Variants in CYSLTR1 observed in about 807,000 individuals in gnomAD.
CYSLTR1 encodes cysteinyl leukotriene receptor 1, also known as G-protein coupled receptor HG55.
A neutral mutation model predicts 2.1 loss-of-function variants in CYSLTR1; 1 was observed. The observed-to-expected ratio is 0.48, with a 90% confidence interval of 0.17 to 2.28. The LOEUF is 2.28. CYSLTR1 is among the 30% of genes most tolerant of loss of function. The pLI is 0.26. For missense variants in CYSLTR1, 299 were observed against 250.1 expected (o/e 1.20, Z -1.32); for synonymous variants, 110 against 89.6 (o/e 1.23, Z -1.28).
intron 1 of CYSLTR1, among the ~76,000 whole-genome samples, chrX:78,296,377 C>G (rs1922574884): frequency 9.0e-6 from 1 of 111,478 alleles, no homozygotes; most frequent in African/African-American, 3.3e-5. Context: ...TTTGGCTATT[C>G]TGGGTCTGTT....
intron 1 of CYSLTR1, among the ~76,000 whole-genome samples, chrX:78,303,261 A>C (rs955948450): frequency 9.0e-6 from 1 of 111,469 alleles, no homozygotes; most frequent in African/African-American, 3.3e-5. Flanking sequence ...AGCACAAAGA[A>C]ATACTCTCTG....
intron 1 of CYSLTR1, among the ~76,000 whole-genome samples, chrX:78,284,575 A>G (rs766196869): frequency 2.8e-5 from 3 of 108,650 alleles, no homozygotes; most frequent in Non-Finnish European, 5.7e-5. Context: ...TAATTTTTGT[A>G]TTTTTAGTAG....
chrX:78,276,371 C>T (rs1921590371), intron 2 of CYSLTR1, among the ~76,000 whole-genome samples: 1 of 111,224 alleles, frequency 9.0e-6, no homozygotes, highest in Non-Finnish European at 1.9e-5. Context: ...CTGATGTTGG[C>T]CTTTTACACA....
chrX:78,273,472 C>G lies in CYSLTR1; in HGVS notation c.275G>C (p.Gly92Ala), dbSNP rs1055324278. Reference protein sequence around the residue: ...YYVHKGIWLFGDFLCRLSTYA... With the variant: ...YYVHKGIWLFADFLCRLSTYA... Reference sequence around the variant, plus strand: ...GGTGCTGAGGCGGCACAAGAAGTCACCAAAGAGCCAAATGCCTTTGTGAAC... The same window carrying G: ...GGTGCTGAGGCGGCACAAGAAGTCAGCAAAGAGCCAAATGCCTTTGTGAAC... The change falls in exon 3 of 3, where the codon GGT becomes GCT. Residue 92 changes from glycine to alanine, a missense_variant. By Grantham distance (60) the Gly-to-Ala change is moderately conservative. Transcript: ENST00000373304. 4 of 1,211,433 alleles carry G rather than the reference C, an allele frequency of 3.3e-6. No individual in the cohort carries two copies. The highest frequency in any genetic ancestry group is 4.5e-6 in the Non-Finnish European group (4 of 895,412).
At chrX:78,285,648 C>T (rs1049342006) in intron 1 of CYSLTR1, among the ~76,000 whole-genome samples, 2 of 111,941 alleles carry the variant, frequency 1.8e-5, no homozygotes, top group Non-Finnish European at 3.8e-5. Context: ...TCCATGGTGG[C>T]TGTGCAATTA....
At position 78,273,573 on chromosome X, in the gene CYSLTR1, G is replaced by T; in HGVS notation, c.174C>A (p.Phe58Leu). Residue 58 changes from phenylalanine (F) to leucine (L), a missense_variant, in exon 3 of 3, where the codon TTC becomes TTA. Phe to Leu is a conservative substitution (Grantham distance 22). Transcript: ENST00000373304. ...LIKTYHKKSA[F>L]QVYMINLAVA... is the part of the protein sequence containing the mutation. ...CTGCTAAATTAATCATGTATACTTG[G>T]AAGGCTGACTTCTTGTGATAGGTTT... The T allele has an allele frequency of 1.7e-6, 2 of 1,211,591 alleles. No individual in the cohort carries two copies. The highest frequency in any genetic ancestry group is 2.2e-6 in the Non-Finnish European group (2 of 895,509).
Position 78,272,022 on chromosome X carries a change from C to G in CYSLTR1, c.*711G>C, listed in dbSNP as rs967923428. ...TCTCTACAGGAACCTCACTGAGCAG[C>G]TAAAACTCCACTATTCAATTTTGGG... On this transcript the variant is annotated 3_prime_UTR_variant, in exon 3 of 3. Coordinates refer to ENST00000373304, the MANE Select transcript of CYSLTR1 (RefSeq NM_006639.4). 8.9e-6 allele frequency: 1 copy of G among 111,829 alleles called. No homozygotes were observed. Among genetic ancestry groups the G allele is most frequent in the Non-Finnish European group, 1.9e-5 (1 of 53,176 alleles). 9.2% of individuals were successfully genotyped at this position (111,829 alleles called of 1,213,427 possible). A position where few individuals can be genotyped will look rare whatever the true frequency, so the allele number is the denominator to read the frequency against.
chrX:78,325,776 G>A (rs777777686), intron 1 of CYSLTR1, among the ~76,000 whole-genome samples: 3 of 112,046 alleles, frequency 2.7e-5, no homozygotes, highest in Non-Finnish European at 5.6e-5. Flanking sequence ...ACAAGGTTGG[G>A]TATGTACCTT....
At chrX:78,280,530 G>A (rs996051607) in intron 2 of CYSLTR1, among the ~76,000 whole-genome samples, 1 of 106,564 alleles carries the variant, frequency 9.4e-6, no homozygotes, top group East Asian at 3.1e-4. Context: ...TGTGTTGGGG[G>A]GGGGGTAAGA....
rs1921364968 is a variant in CYSLTR1 at position 78,273,095 on chromosome X, T to G, written c.652A>C (p.Lys218Gln). 8.3e-7 allele frequency: 1 copy of G among 1,207,766 alleles called. No homozygotes were observed. Among genetic ancestry groups the G allele is most frequent in the Admixed American group, 2.2e-5 (1 of 45,416 alleles). Reference sequence around the variant, plus strand: ...GACAGATTTTTTTTCATTGATTTTTTTAGTAAGGTCAAAATGATCATTGTG... The same window carrying G: ...GACAGATTTTTTTTCATTGATTTTTGTAGTAAGGTCAAAATGATCATTGTG... The part of the protein sequence containing the change: ...CYTMIILTLL[K>Q]KSMKKNLSSH... The change falls in exon 3 of 3, where the codon AAA (lysine) becomes CAA (glutamine). Residue 218 changes from lysine (K) to glutamine (Q), a missense_variant. By Grantham distance (53) the Lys-to-Gln change is moderately conservative. Coordinates refer to ENST00000373304, the MANE Select transcript of CYSLTR1 (RefSeq NM_006639.4).
chrX:78,322,598 G>A (rs1250192375), intron 1 of CYSLTR1, among the ~76,000 whole-genome samples: 2 of 111,923 alleles, frequency 1.8e-5, no homozygotes, highest in Admixed American at 9.4e-5. Context: ...TTCCATCGTA[G>A]TAAAAGATTT....
chrX:78,277,094 T>C (rs764434375), intron 2 of CYSLTR1, among the ~76,000 whole-genome samples: 21 of 111,217 alleles, frequency 1.9e-4, no homozygotes, highest in Non-Finnish European at 3.2e-4. Flanking sequence ...CCCAGAGTAT[T>C]TGGCACCAGA....
intron 1 of CYSLTR1, among the ~76,000 whole-genome samples, chrX:78,285,231 A>C (rs1922012025): frequency 9.2e-6 from 1 of 109,268 alleles, no homozygotes; most frequent in South Asian, 4.0e-4. Flanking sequence ...AGGAGATAGG[A>C]ACCACGGTGA....
rs1921321181 is a variant in CYSLTR1 at position 78,272,686 on chromosome X, T to C, written c.*47A>G. On this transcript the variant is annotated 3_prime_UTR_variant, in exon 3 of 3. Coordinates refer to ENST00000373304, the MANE Select transcript of CYSLTR1 (RefSeq NM_006639.4). ...TTTGTAAATGATTTGACAAAATACTTATTTGGGAAACTATTTTCATTGGTT... is the reference window on the plus strand; with the variant it reads ...TTTGTAAATGATTTGACAAAATACTCATTTGGGAAACTATTTTCATTGGTT... 1 of 1,055,684 alleles carries C rather than the reference T, an allele frequency of 9.5e-7. No individual in the cohort carries two copies. The highest frequency in any genetic ancestry group is 1.2e-6 in the Non-Finnish European group (1 of 806,206). The allele number at this position is 1,055,684 out of a possible 1,213,427, so 87.0% of individuals were successfully genotyped here.
Position 78,272,907 on chromosome X carries a change from G to C in CYSLTR1, c.840C>G (p.Thr280=). The C allele has an allele frequency of 2.5e-6, 3 of 1,211,224 alleles. No homozygotes were observed. The highest frequency in any genetic ancestry group is 3.0e-5 in the East Asian group (1 of 33,847). The part of the protein sequence containing the change: ...VLRMQKSVVI[T]LSLAASNCCF... ...AACAATTGGATGCAGCCAGAGACAA[G>C]GTTATGACCACGGACTTCTGCATTC... Residue 280 remains threonine, a synonymous_variant, in exon 3 of 3, where the codon ACC becomes ACG. Transcript: ENST00000373304.
intron 1 of CYSLTR1, among the ~76,000 whole-genome samples, chrX:78,306,536 A>G (rs1569552410): frequency 9.0e-6 from 1 of 111,642 alleles, no homozygotes; most frequent in Non-Finnish European, 1.9e-5. Context: ...ATAAATAAAG[A>G]CTTCTTTTTA....
intron 1 of CYSLTR1, among the ~76,000 whole-genome samples, chrX:78,296,759 G>T (rs1218569398): frequency 1.8e-5 from 2 of 111,731 alleles, no homozygotes. Context: ...CAACTTTATG[G>T]AATTTATTTT....
Position 78,301,065 on chromosome X carries a change from C to T in CYSLTR1, c.-114-17525G>A, listed in dbSNP as rs777320203. On this transcript the variant is annotated intron_variant, in intron 1 of 2. Transcript: ENST00000373304. ...CTCCTTTTAGCCATGGCTAGAGTGG[C>T]TGGAATGCAGGGCACAAAGTCTCTA... Among the ~76,000 whole-genome samples, 3 of 112,546 alleles carry T rather than the reference C, an allele frequency of 2.7e-5. No individual in the cohort carries two copies. In the South Asian group the frequency reaches 1.1e-3, roughly 41 times the overall value.
intron 2 of CYSLTR1, among the ~76,000 whole-genome samples, chrX:78,282,528 T>G (rs1388689913): frequency 8.9e-6 from 1 of 112,425 alleles, no homozygotes; most frequent in Non-Finnish European, 1.9e-5. Flanking sequence ...TGTCAGAGTC[T>G]GAAGTTGCTG....
Sources: gnomAD v4.1 joint callset for allele counts (sites outside exome capture counted in the v4.1 genomes callset) on GRCh38, gnomAD v4.1.1 for gene constraint, MANE v1.5 for transcripts, NCBI Gene and HGNC (gene_info 2026-07-23, HGNC 2026-07-21) for gene names.